Variants in MCTP1 observed in about 807,000 individuals in gnomAD.
MCTP1 encodes multiple C2 and transmembrane domain-containing protein 1.
Under a neutral mutation model 120.6 loss-of-function variants are expected in MCTP1, and 69 were observed. The ratio of observed to expected loss-of-function variants is 0.57; its 90% CI spans 0.47 to 0.70. The LOEUF (loss-of-function observed/expected upper bound fraction) is 0.70, where lower values mean the gene tolerates loss of function less well. MCTP1 is among the 30% of genes least tolerant of loss of function. The pLI is 0.00. For missense variants in MCTP1, 1,203 were observed against 1,248.8 expected, an observed-to-expected ratio of 0.96 and a Z score of 0.55; for synonymous variants, 529 against 493.1, an observed-to-expected ratio of 1.07 and a Z score of -0.96.
At chr5:95,098,893 A>G (rs1756484921) in intron 1 of MCTP1, among the ~76,000 whole-genome samples, 1 of 152,236 alleles carries the variant, frequency 6.6e-6, no homozygotes, top group African/African-American at 2.4e-5. Context: ...TACAGTAACC[A>G]AAACAGCATG....
In MCTP1 at chr5:94,779,248, C is replaced by G; in HGVS notation, c.2557-85G>C. ...ATTTTGAACCTTTTGGAAATGAAAA[C>G]TTTATTAACATTTGAAACAGGCACA... is the stretch of plus-strand genomic sequence containing the variant. On this transcript the variant is annotated intron_variant, in intron 18 of 22. Coordinates refer to ENST00000515393, the MANE Select transcript of MCTP1 (RefSeq NM_024717.7). The G allele has an allele frequency of 3.6e-6, 4 of 1,126,612 alleles. No homozygotes were observed. In the South Asian group the frequency reaches 5.0e-5, roughly 14 times the overall value. 69.8% of individuals were successfully genotyped at this position (1,126,612 alleles called of 1,614,324 possible).
intron 19 of MCTP1, among the ~76,000 whole-genome samples, chr5:94,767,157 T>A (rs1454046525): frequency 6.6e-6 from 1 of 152,162 alleles, no homozygotes; most frequent in East Asian, 1.9e-4. Context: ...ATTAACAGAC[T>A]GGACAAAACC....
At chr5:95,133,657 AAAAT>A (rs1158786872) in intron 1 of MCTP1, among the ~76,000 whole-genome samples, 1 of 152,238 alleles carries the variant, frequency 6.6e-6, no homozygotes, top group Non-Finnish European at 1.5e-5. Context: ...TCCATCTCAA[AAAAT>A]AAATAAATAA....
intron 1 of MCTP1, among the ~76,000 whole-genome samples, chr5:95,109,513 G>A (rs572941799): frequency 6.6e-6 from 1 of 151,988 alleles, no homozygotes; most frequent in Admixed American, 6.6e-5. Context: ...TATGACTTCT[G>A]TCCCTTTAAA....
intron 3 of MCTP1, among the ~76,000 whole-genome samples, chr5:94,946,756 T>C (rs1328105705): frequency 1.3e-5 from 2 of 152,190 alleles, no homozygotes; most frequent in Non-Finnish European, 2.9e-5. Context: ...ACATCCCTGA[T>C]GCTGGCCTAT....
intron 17 of MCTP1, among the ~76,000 whole-genome samples, chr5:94,832,425 G>T (rs1435672651): frequency 6.6e-6 from 1 of 152,098 alleles, no homozygotes; most frequent in Non-Finnish European, 1.5e-5. Flanking sequence ...TCTACCTAAG[G>T]TTATTTTTGC....
At position 94,883,218 on chromosome 5, in the gene MCTP1, T is replaced by C. The variant is rs78812039; in HGVS notation, c.1933+5661A>G. Among the ~76,000 whole-genome samples, 643 of 152,328 alleles carry C rather than the reference T, an allele frequency of 4.2e-3. 5 individuals carry two copies. The highest frequency in any genetic ancestry group is 0.015 in the African/African-American group (628 of 41,580). ...TATCATGTACATGTATATAATATTG[T>C]TTTCTAAACCAGGTATATTACCGTG... On this transcript the variant is annotated intron_variant, in intron 12 of 22. Transcript: ENST00000515393.
At chr5:95,039,142 T>C (rs953456845) in intron 1 of MCTP1, among the ~76,000 whole-genome samples, 1 of 152,204 alleles carries the variant, frequency 6.6e-6, no homozygotes, top group African/African-American at 2.4e-5. Flanking sequence ...TAGTATCCTA[T>C]GGTAAAAATA....
At chr5:95,172,357 G>T (rs1465963124) in intron 1 of MCTP1, among the ~76,000 whole-genome samples, 1 of 152,194 alleles carries the variant, frequency 6.6e-6, no homozygotes, top group Admixed American at 6.5e-5. Flanking sequence ...GTGGGTCAGG[G>T]ACCCACTTGA....
Position 95,217,561 on chromosome 5 carries a change from A to T in MCTP1, c.720+66295T>A, listed in dbSNP as rs1292673128. Among the ~76,000 whole-genome samples the T allele has an allele frequency of 6.6e-5, 10 of 152,160 alleles. No individual in the cohort carries two copies. In the South Asian group the frequency reaches 8.3e-4, roughly 13 times the overall value. ...GTGAGGTCATAATCTCTGTCATTAAACTCCCATGAAGTCAGACAACATTCG... is the reference window on the plus strand; with the variant it reads ...GTGAGGTCATAATCTCTGTCATTAATCTCCCATGAAGTCAGACAACATTCG... On this transcript the variant is annotated intron_variant, in intron 1 of 22. Transcript: ENST00000515393.
intron 17 of MCTP1, among the ~76,000 whole-genome samples, chr5:94,821,917 T>G (rs1366141956): frequency 6.6e-6 from 1 of 152,184 alleles, no homozygotes; most frequent in Non-Finnish European, 1.5e-5. Context: ...CATTTTCTTT[T>G]TAGTAACTGT....
chr5:95,241,707 A>G (rs979281337), intron 1 of MCTP1, among the ~76,000 whole-genome samples: 5 of 152,202 alleles, frequency 3.3e-5, no homozygotes, highest in African/African-American at 1.2e-4. Context: ...TCCTAAGAAA[A>G]TTGAAATCCT....
rs189997197 is a variant in MCTP1, at chr5:94,814,582, C to T, written c.2437-15450G>A. Among the ~76,000 whole-genome samples the T allele has an allele frequency of 2.5e-3, 386 of 152,202 alleles. 2 individuals are homozygous for T. The highest frequency in any genetic ancestry group is 4.1e-3 in the Non-Finnish European group (281 of 68,014). Reference sequence around the variant, plus strand: ...CTACCACCATAAGGTGAGGCTATCACGCAACTATAATAGTTCTAAATTCCT... The same window carrying T: ...CTACCACCATAAGGTGAGGCTATCATGCAACTATAATAGTTCTAAATTCCT... On this transcript the variant is annotated intron_variant, in intron 17 of 22. Coordinates refer to ENST00000515393, the MANE Select transcript of MCTP1 (RefSeq NM_024717.7).
intron 17 of MCTP1, among the ~76,000 whole-genome samples, chr5:94,808,072 T>C (rs943572380): frequency 6.6e-6 from 1 of 152,094 alleles, no homozygotes; most frequent in Non-Finnish European, 1.5e-5. Flanking sequence ...GTACTGGAGG[T>C]GAACCCCTTA....
At chr5:94,944,874 G>A (rs1331276271) in intron 3 of MCTP1, among the ~76,000 whole-genome samples, 3 of 152,288 alleles carry the variant, frequency 2.0e-5, no homozygotes, top group Non-Finnish European at 2.9e-5. Context: ...ATAGGAGAGA[G>A]ATAAAATAGG....
chr5:95,069,324 T>G (rs1021133705), intron 1 of MCTP1, among the ~76,000 whole-genome samples: 1 of 152,232 alleles, frequency 6.6e-6, no homozygotes, highest in African/African-American at 2.4e-5. Flanking sequence ...CAGTTTTCAT[T>G]GGGGTCTTTC....
chr5:95,094,776 C>G (rs1426092), intron 1 of MCTP1, among the ~76,000 whole-genome samples: 25 of 152,040 alleles, frequency 1.6e-4, no homozygotes, highest in African/African-American at 6.0e-4. Context: ...ACAAGCAATT[C>G]TCATTTATCC....
chr5:95,175,757 A>G (rs1747894341), intron 1 of MCTP1, among the ~76,000 whole-genome samples: 1 of 152,196 alleles, frequency 6.6e-6, no homozygotes, highest in Admixed American at 6.5e-5. Context: ...AGGTGTCCTC[A>G]GCACGGCCCT....
At chr5:94,893,197 A>T (rs916927871) in intron 11 of MCTP1, among the ~76,000 whole-genome samples, 1 of 152,208 alleles carries the variant, frequency 6.6e-6, no homozygotes. Context: ...CATCCAGCAA[A>T]AAGAAAAAAA....
Sources: gnomAD v4.1 joint callset for allele counts (sites outside exome capture counted in the v4.1 genomes callset) on GRCh38, gnomAD v4.1.1 for gene constraint, MANE v1.5 for transcripts, NCBI Gene and HGNC (gene_info 2026-07-23, HGNC 2026-07-21) for gene names.